Variants in NR2F1-AS1 observed in about 807,000 individuals in gnomAD.
NR2F1-AS1 encodes NR2F1 antisense RNA 1.
At chr5:93,556,101 A>T (rs575182139) in intron 2 of NR2F1-AS1, among the ~76,000 whole-genome samples, 7 of 152,262 alleles carry the variant, frequency 4.6e-5, no homozygotes, top group African/African-American at 1.4e-4. Context: ...CTACATCAGG[A>T]CTTTATCCCA....
intron 4 of NR2F1-AS1, among the ~76,000 whole-genome samples, chr5:93,487,843 A>C (rs1750758873): frequency 6.6e-6 from 1 of 152,170 alleles, no homozygotes; most frequent in South Asian, 2.1e-4. Flanking sequence ...ACTTCAAACT[A>C]TACTACAAGG....
rs565057226 is a variant in NR2F1-AS1 at position 93,483,608 on chromosome 5, C to T, written n.638+70153G>A. 1.1e-4 allele frequency among the ~76,000 whole-genome samples: 16 copies of T among 152,268 alleles called. No homozygotes were observed. The South Asian group carries it at 3.3e-3, about 32-fold the overall frequency. ...CTGGACTGAGGATGAGTCTGAAGAA[C>T]TGACAGAAGTAGACTTCAGAAGGAG... On this transcript the variant is annotated intron_variant and non_coding_transcript_variant, in intron 4 of 5. Transcript: ENST00000660523.
intron 4 of NR2F1-AS1, among the ~76,000 whole-genome samples, chr5:93,454,745 T>C (rs2149859456): frequency 6.6e-6 from 1 of 152,240 alleles, no homozygotes; most frequent in South Asian, 2.1e-4. Context: ...CAATGGCCAA[T>C]GACTTAATCA....
At chr5:93,562,620 T>C (rs1752518858) in intron 2 of NR2F1-AS1, among the ~76,000 whole-genome samples, 1 of 152,114 alleles carries the variant, frequency 6.6e-6, no homozygotes, top group Non-Finnish European at 1.5e-5. Flanking sequence ...TTTCAAAAAG[T>C]GAACAGCAAG....
At chr5:93,414,504 G>A (rs1422769731) in intron 4 of NR2F1-AS1, among the ~76,000 whole-genome samples, 2 of 152,204 alleles carry the variant, frequency 1.3e-5, no homozygotes, top group Non-Finnish European at 2.9e-5. Flanking sequence ...AGAGAAGTCT[G>A]TGCCTTGGTG....
At chr5:93,518,241 A>T (rs1751435814) in intron 4 of NR2F1-AS1, among the ~76,000 whole-genome samples, 1 of 152,156 alleles carries the variant, frequency 6.6e-6, no homozygotes, top group Non-Finnish European at 1.5e-5. Flanking sequence ...ATACAGACCT[A>T]GTGGTAAGTA....
chr5:93,547,251 T>C (rs1326669343), intron 4 of NR2F1-AS1, among the ~76,000 whole-genome samples: 1 of 152,234 alleles, frequency 6.6e-6, no homozygotes, highest in Non-Finnish European at 1.5e-5. Context: ...TGTACATTAT[T>C]TGAGGCTTTA....
intron 4 of NR2F1-AS1, among the ~76,000 whole-genome samples, chr5:93,451,531 T>C (rs1749829730): frequency 6.6e-6 from 1 of 152,014 alleles, no homozygotes; most frequent in East Asian, 1.9e-4. Flanking sequence ...GCCTCCCAAG[T>C]AGCTGGGACC....
At chr5:93,578,135 A>C (rs1752937514) in intron 1 of NR2F1-AS1, among the ~76,000 whole-genome samples, 1 of 152,166 alleles carries the variant, frequency 6.6e-6, no homozygotes, top group Non-Finnish European at 1.5e-5. Context: ...ATATGTTAAC[A>C]GACAGACAGT....
chr5:93,548,467 G>A (rs1347667970), intron 4 of NR2F1-AS1, among the ~76,000 whole-genome samples: 4 of 152,148 alleles, frequency 2.6e-5, no homozygotes, highest in Non-Finnish European at 5.9e-5. Context: ...AGAAAGTACA[G>A]AGTCAGACTG....
intron 4 of NR2F1-AS1, among the ~76,000 whole-genome samples, chr5:93,548,682 G>C (rs1752149945): frequency 6.6e-6 from 1 of 151,876 alleles, no homozygotes; most frequent in African/African-American, 2.4e-5. Context: ...GGCCAACATG[G>C]TGAGACCCTG....
At chr5:93,514,665 C>T (rs891452009) in intron 4 of NR2F1-AS1, among the ~76,000 whole-genome samples, 3 of 151,996 alleles carry the variant, frequency 2.0e-5, no homozygotes, top group Non-Finnish European at 1.5e-5. Flanking sequence ...GCAATTCTTG[C>T]TGATGCACTG....
intron 4 of NR2F1-AS1, among the ~76,000 whole-genome samples, chr5:93,460,255 GATACC>G (rs1750059941): frequency 6.6e-6 from 1 of 152,164 alleles, no homozygotes; most frequent in African/African-American, 2.4e-5. Context: ...AAGGCAGAAA[GATACC>G]ACAGAAGAAA....
At chr5:93,461,311 C>T (rs1750087314) in intron 4 of NR2F1-AS1, among the ~76,000 whole-genome samples, 1 of 151,968 alleles carries the variant, frequency 6.6e-6, no homozygotes, top group African/African-American at 2.4e-5. Context: ...ACAGGAACAA[C>T]ACATACTGGG....
chr5:93,514,789 AAAGAAATG>A (rs1157928617), intron 4 of NR2F1-AS1, among the ~76,000 whole-genome samples: 2 of 152,032 alleles, frequency 1.3e-5, no homozygotes, highest in Non-Finnish European at 2.9e-5. Context: ...TTTGCTTATG[AAAGAAATG>A]AAGAAAAGGA....
At chr5:93,564,135 A>C (rs1752562417) in intron 1 of NR2F1-AS1, among the ~76,000 whole-genome samples, 5 of 127,230 alleles carry the variant, frequency 3.9e-5, no homozygotes, top group African/African-American at 1.4e-4. Context: ...AAAAAAAAAA[A>C]AAAAAAAAAA....
At chr5:93,562,445 C>A (rs901927465) in intron 2 of NR2F1-AS1, among the ~76,000 whole-genome samples, 1 of 151,912 alleles carries the variant, frequency 6.6e-6, no homozygotes, top group African/African-American at 2.4e-5. Flanking sequence ...GCACATGCCA[C>A]CAAGCTGGGC....
intron 4 of NR2F1-AS1, among the ~76,000 whole-genome samples, chr5:93,524,512 C>T (rs1044003535): frequency 2.0e-5 from 3 of 152,106 alleles, no homozygotes; most frequent in African/African-American, 7.2e-5. Flanking sequence ...GAGAACCTCA[C>T]AAAGATATTC....
Position 93,536,053 on chromosome 5 carries a change from A to T in NR2F1-AS1, n.638+17708T>A, listed in dbSNP as rs532808758. On this transcript the variant is annotated intron_variant and non_coding_transcript_variant, in intron 4 of 5. Transcript: ENST00000660523. Reference sequence around the variant, plus strand: ...ATCTTATATATAGAAAACCCTAAAGACTCCACCAAAAAAATTGTTAGAATA... The same window carrying T: ...ATCTTATATATAGAAAACCCTAAAGTCTCCACCAAAAAAATTGTTAGAATA... Among the ~76,000 whole-genome samples, 9 of 152,174 alleles carry T rather than the reference A, an allele frequency of 5.9e-5. No homozygotes were observed. The South Asian group carries it at 1.9e-3, about 31-fold the overall frequency.
Sources: gnomAD v4.1 joint callset for allele counts (sites outside exome capture counted in the v4.1 genomes callset) on GRCh38, gnomAD v4.1.1 for gene constraint, MANE v1.5 for transcripts, NCBI Gene and HGNC (gene_info 2026-07-23, HGNC 2026-07-21) for gene names.